Variants in CHRD observed in about 807,000 individuals in gnomAD.
CHRD encodes the protein chordin.
A neutral mutation model predicts 113.7 loss-of-function variants in CHRD; 69 were observed. The ratio of observed to expected loss-of-function variants is 0.61; its 90% confidence interval spans 0.50 to 0.74. The LOEUF is 0.74. Ranked by LOEUF, CHRD falls within the 30% of genes least tolerant of loss-of-function variation. The pLI is 0.00. For missense variants in CHRD, 1,194 were observed against 1,295.8 expected, an observed-to-expected ratio of 0.92 and a Z score of 1.21; for synonymous variants, 561 against 540.8, an observed-to-expected ratio of 1.04 and a Z score of -0.52.
At position 184,381,831 on chromosome 3, in the gene CHRD, G is replaced by A; in HGVS notation, c.611+16G>A. ...CCTACAGGCGGTGAGAAAGGGGAAG[G>A]AGCAAGGAGGGGTCAGCTGCCGGGG... On this transcript the variant is annotated intron_variant, in intron 5 of 22. Transcript: ENST00000204604. This position sits in a 1 kb window ranked among gnomAD's most constrained non-coding sequence, Gnocchi z 4.7. 2 of 1,612,370 alleles carry A rather than the reference G, an allele frequency of 1.2e-6. No homozygotes were observed. Among genetic ancestry groups the A allele is most frequent in the South Asian group, 2.2e-5 (2 of 90,898 alleles).
downstream of CHRD, chr3:184,390,175 T>G: frequency 7.6e-6 from 1 of 131,916 alleles, no homozygotes; most frequent in Admixed American, 7.7e-5. Context: ...CCTCCTTCCC[T>G]TCCCTTCCCT....
exon 10 of CHRD, chr3:184,383,153 G>A: frequency 6.3e-7 from 1 of 1,598,540 alleles, no homozygotes; most frequent in Non-Finnish European, 8.5e-7. Context: ...CTGCCAGGAA[G>A]AGCTGCGACG....
intron 15 of CHRD, 164 bp from the exon 16 acceptor site, chr3:184,386,328 G>A (rs1171537202): frequency 9.6e-6 from 12 of 1,255,964 alleles, no homozygotes; most frequent in Admixed American, 2.4e-5. Flanking sequence ...CTGGCAGCCC[G>A]GCACCCTATC....
Position 184,380,290 on chromosome 3 carries a change from CCCT to C in CHRD, c.-23_-21del. On this transcript the variant is annotated 5_prime_UTR_variant, in exon 1 of 23. Transcript: ENST00000204604. The surrounding 1 kb of genome is among the most constrained non-coding windows in gnomAD (Gnocchi z 6.3). Reference sequence around the variant, plus strand: ...CGCCCGCTCCCGCGCCCTCCTCCCTCCCTCCTCCCCAGCTGTCCCGTTCGCGTC... The same window carrying C: ...CGCCCGCTCCCGCGCCCTCCTCCCTCCCTCCCCAGCTGTCCCGTTCGCGTC... 8.3e-7 allele frequency: 1 copy of C among 1,201,272 alleles called. No individual in the cohort carries two copies. Among genetic ancestry groups the C allele is most frequent in the South Asian group, 2.1e-5 (1 of 46,752 alleles). The allele number at this position is 1,201,272 out of a possible 1,614,324, so 74.4% of individuals were successfully genotyped here.
Position 184,381,441 on chromosome 3 carries a change from G to A in CHRD, c.383-55G>A. 1 of 1,597,068 alleles carries A rather than the reference G, an allele frequency of 6.3e-7. No individual in the cohort carries two copies. Among genetic ancestry groups the A allele is most frequent in the East Asian group, 2.2e-5 (1 of 44,616 alleles). On this transcript the variant is annotated intron_variant, in intron 3 of 22. Transcript: ENST00000204604. The surrounding 1 kb of genome is among the most constrained non-coding windows in gnomAD (Gnocchi z 4.7). ...CCCGGGCCACTTGGATGGGGCGTCG[G>A]ACTGGCCTTTCCCATGGCCAGCTGA... is the stretch of plus-strand genomic sequence containing the variant.
In CHRD at chr3:184,383,039, G is replaced by T. The variant is rs563156403; in HGVS notation, c.1089G>T (p.Leu363=). ...AGGAACCAGGCTTTGCTGAGGTGCT[G>T]CCCAACCTGACAGTCCAGGAGATGG... Residue 363 remains leucine, a synonymous_variant, in exon 10 of 23, where the codon CTG becomes CTT. Coordinates refer to ENST00000204604, the Ensembl canonical transcript of CHRD. The T allele has an allele frequency of 1.4e-4, 225 of 1,612,220 alleles. 1 individual carries two copies. The South Asian group carries it at 2.2e-3, about 16-fold the overall frequency.
intron 15 of CHRD, 58 bp from the exon 16 acceptor site, chr3:184,386,434 C>T (rs972261414): frequency 2.0e-5 from 31 of 1,522,766 alleles, no homozygotes; most frequent in African/African-American, 1.5e-4. Flanking sequence ...GGCCAGCTGC[C>T]GCTGGTAAAG....
chr3:184,386,434 CGCTGGTAAAGACGCGAGGGGGA>C, intron 15 of CHRD, 36 bp from the exon 16 acceptor site: 1 of 1,522,886 alleles, frequency 6.6e-7, no homozygotes, highest in South Asian at 1.2e-5. Context: ...GGCCAGCTGC[CGCTGGTAAAGACGCGAGGGGGA>C]GCCCCAGCGC....
Position 184,380,979 on chromosome 3 carries a change from T to C in CHRD, c.252+184T>C. ...AGGTGCTGTTACTGATCGCCCACTC[T>C]GTGTGAGGCTCTGTGCCAACTCCGT... On this transcript the variant is annotated intron_variant, in intron 2 of 22. Transcript: ENST00000204604. The surrounding 1 kb of genome is among the most constrained non-coding windows in gnomAD (Gnocchi z 6.3). The C allele has an allele frequency of 2.7e-6, 2 of 732,394 alleles. No homozygotes were observed. The highest frequency in any genetic ancestry group is 4.8e-6 in the Non-Finnish European group (2 of 412,950). The allele number at this position is 732,394 out of a possible 1,614,324, so 45.4% of individuals were successfully genotyped here.
Position 184,387,452 on chromosome 3 carries a change from T to G in CHRD, c.2426T>G (p.Ile809Ser), listed in dbSNP as rs1385236075. 1 of 1,612,168 alleles carries G rather than the reference T, an allele frequency of 6.2e-7. No homozygotes were observed. Among genetic ancestry groups the G allele is most frequent in the Admixed American group, 1.7e-5 (1 of 59,682 alleles). ...CCCGTTGTGCCCCCCTTTGGCTTAA[T>G]TAAGTGTGCTGTCTGCACCTGCAAG... Residue 809 changes from isoleucine (I) to serine (S), a missense_variant, in exon 19 of 23, where the codon ATT becomes AGT. Coordinates refer to ENST00000204604, the Ensembl canonical transcript of CHRD. The surrounding 1 kb of genome is among the most constrained non-coding windows in gnomAD (Gnocchi z 6.1).
chr3:184,381,510 G>A lies in CHRD; in HGVS notation c.397G>A (p.Glu133Lys), dbSNP rs35087408. The stretch of plus-strand genomic sequence containing the variant: ...CCCGCCCGCAGAGCGCAGCAGTTCG[G>A]AGCGGCAGCCGAGCGGCCTGTCCTT... Residue 133 changes from glutamate to lysine, a missense_variant, in exon 4 of 23, where the codon GAG (glutamate) becomes AAG (lysine). Physicochemically the swap from Glu to Lys is moderately conservative, Grantham distance 56 (BLOSUM62 1). Transcript: ENST00000204604. This position sits in a 1 kb window ranked among gnomAD's most constrained non-coding sequence, Gnocchi z 4.7. 1.0e-4 allele frequency: 167 copies of A among 1,599,344 alleles called. No homozygotes were observed. The African/African-American group carries it at 2.1e-3, about 20-fold the overall frequency.
chr3:184,382,315 C>T, intron 6 of CHRD, 74 bp from the exon 7 acceptor site: 1 of 1,593,178 alleles, frequency 6.3e-7, no homozygotes, highest in Non-Finnish European at 8.6e-7. Context: ...TTTTCATAAG[C>T]CCTGCCTGGG....
rs1344178365 is a variant in CHRD, at chr3:184,384,942, G to C, written c.1598-76G>C. 6 of 1,451,478 alleles carry C rather than the reference G, an allele frequency of 4.1e-6. No individual in the cohort carries two copies. The Admixed American group carries it at 8.5e-5, about 21-fold the overall frequency. 89.9% of individuals were successfully genotyped at this position (1,451,478 alleles called of 1,614,324 possible). A position where few individuals can be genotyped will look rare whatever the true frequency, so the allele number is the denominator to read the frequency against. ...TCCAGCTCGTGGAATGTGTGCTGGGGAGCTGGGAATGCTGGGTTTGAGGGC... is the reference window on the plus strand; with the variant it reads ...TCCAGCTCGTGGAATGTGTGCTGGGCAGCTGGGAATGCTGGGTTTGAGGGC... On this transcript the variant is annotated intron_variant, in intron 13 of 22. Coordinates refer to ENST00000204604, the Ensembl canonical transcript of CHRD. The surrounding 1 kb of genome is among the most constrained non-coding windows in gnomAD (Gnocchi z 4.4).
At chr3:184,385,311 T>A (rs1716111846) in intron 14 of CHRD, 73 bp downstream of exon 14, 1 of 1,166,772 alleles carries the variant, frequency 8.6e-7, no homozygotes, top group East Asian at 2.4e-5. Context: ...TGGGCCTGTG[T>A]TGGGGAAAGC....
At position 184,381,248 on chromosome 3, in the gene CHRD, G is replaced by T. The variant is rs778386345; in HGVS notation, c.266G>T (p.Arg89Leu). ...TTCCGGGAGCAGCCTCAGTGGGGTC[G>T]CCGTACCAGGGGCCCTGGCAGGGTC... is the stretch of plus-strand genomic sequence containing the variant. The change falls in exon 3 of 23, where the codon CGC becomes CTC. Residue 89 changes from arginine (R) to leucine (L), a missense_variant. By Grantham distance (102) the Arg-to-Leu change is moderately radical. Transcript: ENST00000204604. The surrounding 1 kb of genome is among the most constrained non-coding windows in gnomAD (Gnocchi z 4.7). 6.2e-7 allele frequency: 1 copy of T among 1,613,358 alleles called. No homozygotes were observed. The highest frequency in any genetic ancestry group is 8.5e-7 in the Non-Finnish European group (1 of 1,179,976).
In CHRD at chr3:184,384,732, T is replaced by G. The variant is rs1465290293; in HGVS notation, c.1597+39T>G. 6.6e-7 allele frequency: 1 copy of G among 1,511,372 alleles called. No homozygotes were observed. Among genetic ancestry groups the G allele is most frequent in the East Asian group, 2.3e-5 (1 of 43,832 alleles). 93.6% of individuals were successfully genotyped at this position (1,511,372 alleles called of 1,614,324 possible). On this transcript the variant is annotated intron_variant, in intron 13 of 22. Transcript: ENST00000204604. This position sits in a 1 kb window ranked among gnomAD's most constrained non-coding sequence, Gnocchi z 4.4. The stretch of plus-strand genomic sequence containing the variant: ...GGGGTCTGTCTGCCCTTTGGTTTCC[T>G]AGAACATTTGAGGGATGGTGGCAGA...
At chr3:184,385,459 A>G (rs1716128673) in intron 14 of CHRD, among the ~76,000 whole-genome samples, 1 of 152,022 alleles carries the variant, frequency 6.6e-6, no homozygotes, top group Non-Finnish European at 1.5e-5. Context: ...CTGAGGTAGG[A>G]AGCTCAAGAC....
chr3:184,383,056 AG>A lies in CHRD; in HGVS notation c.1108del (p.Glu370ArgfsTer47). 1.2e-6 allele frequency: 2 copies of A among 1,612,186 alleles called. No homozygotes were observed. Among genetic ancestry groups the A allele is most frequent in the Non-Finnish European group, 1.7e-6 (2 of 1,179,308 alleles). ...GAGGTGCTGCCCAACCTGACAGTCC[AG>A]GAGATGGACTGGCTGGTGCTGGGGG... On this transcript the variant is annotated frameshift_variant, in exon 10 of 23. Transcript: ENST00000204604. LOFTEE classifies it high-confidence loss of function.
chr3:184,381,906 C>T lies in CHRD; in HGVS notation c.612-27C>T, dbSNP rs760070606. 9 of 1,613,664 alleles carry T rather than the reference C, an allele frequency of 5.6e-6. No homozygotes were observed. The highest frequency in any genetic ancestry group is 1.1e-5 in the South Asian group (1 of 91,012). On this transcript the variant is annotated intron_variant, in intron 5 of 22. Coordinates refer to ENST00000204604, the Ensembl canonical transcript of CHRD. This position sits in a 1 kb window ranked among gnomAD's most constrained non-coding sequence, Gnocchi z 4.7. Reference sequence around the variant, plus strand: ...GGGAGGGGCTGCTTTTGGCTCAGTCCGGCCTCACCCGACCTCTCATTCCCA... The same window carrying T: ...GGGAGGGGCTGCTTTTGGCTCAGTCTGGCCTCACCCGACCTCTCATTCCCA...
Sources: gnomAD v4.1 joint callset for allele counts (sites outside exome capture counted in the v4.1 genomes callset) on GRCh38, gnomAD v4.1.1 for gene constraint, Gnocchi (gnomAD v3.1) non-coding constraint, MANE v1.5 for transcripts, NCBI Gene and HGNC (gene_info 2026-07-23, HGNC 2026-07-21) for gene names.